Variants in GPC5 observed in about 807,000 individuals in gnomAD.
GPC5 encodes the protein glypican 5, also known as glypican-5.
In GPC5, 47 loss-of-function variants were observed where a neutral mutation model predicts 53.9. The ratio of observed to expected loss-of-function variants is 0.87; its 90% CI spans 0.69 to 1.11. The LOEUF is 1.11. Ranked by LOEUF, GPC5 falls within the 50% of genes most tolerant of loss-of-function variation. GPC5 has a pLI of 0.00. For synonymous variants in GPC5, 286 were observed against 263.3 expected, an observed-to-expected ratio of 1.09 and a Z score of -0.84; for missense variants, 748 against 713.1, an observed-to-expected ratio of 1.05 and a Z score of -0.56.
At chr13:91,573,648 A>G (rs2032025158) in intron 2 of GPC5, among the ~76,000 whole-genome samples, 1 of 152,296 alleles carries the variant, frequency 6.6e-6, no homozygotes, top group Non-Finnish European at 1.5e-5. Context: ...TAAATTTTAT[A>G]TTGATAATTT....
At chr13:92,351,980 G>C (rs983304398) in intron 7 of GPC5, among the ~76,000 whole-genome samples, 2 of 152,100 alleles carry the variant, frequency 1.3e-5, no homozygotes, top group Non-Finnish European at 2.9e-5. Context: ...GGTTTTTGTG[G>C]AAGAGTAAAG....
At chr13:91,929,992 T>C (rs1300443337) in intron 6 of GPC5, among the ~76,000 whole-genome samples, 1 of 152,072 alleles carries the variant, frequency 6.6e-6, no homozygotes, top group Non-Finnish European at 1.5e-5. Context: ...CAAATGTAAT[T>C]TGAAAGTTAT....
At chr13:91,452,631 G>C (rs1881261873) in intron 2 of GPC5, among the ~76,000 whole-genome samples, 1 of 152,036 alleles carries the variant, frequency 6.6e-6, no homozygotes, top group South Asian at 2.1e-4. Context: ...CTTTATACAT[G>C]ACAGTATGGT....
At chr13:92,772,420 A>G (rs572401646) in intron 7 of GPC5, among the ~76,000 whole-genome samples, 38 of 152,234 alleles carry the variant, frequency 2.5e-4, no homozygotes, top group Non-Finnish European at 1.0e-4. Context: ...CTCTCTAACC[A>G]TGGGGCCTTT....
intron 7 of GPC5, among the ~76,000 whole-genome samples, chr13:92,385,535 T>TAC (rs546250598): frequency 5.6e-4 from 75 of 133,242 alleles, no homozygotes; most frequent in Middle Eastern, 4.2e-3. Flanking sequence ...CATATATACA[T>TAC]ATATGCATAT....
chr13:92,395,149 A>T (rs1221714191), intron 7 of GPC5, among the ~76,000 whole-genome samples: 2 of 152,198 alleles, frequency 1.3e-5, no homozygotes, highest in Non-Finnish European at 2.9e-5. Flanking sequence ...TATCTAACAT[A>T]TTCAAAACTG....
intron 7 of GPC5, among the ~76,000 whole-genome samples, chr13:92,288,507 T>C (rs560094148): frequency 6.6e-6 from 1 of 152,306 alleles, no homozygotes; most frequent in Non-Finnish European, 1.5e-5. Flanking sequence ...CGGAAATCTC[T>C]TCTATTGTGA....
intron 7 of GPC5, among the ~76,000 whole-genome samples, chr13:92,387,057 T>A (rs1270579024): frequency 6.6e-6 from 1 of 152,082 alleles, no homozygotes; most frequent in African/African-American, 2.4e-5. Flanking sequence ...CAAATTTTCA[T>A]TGAAGATCAT....
At chr13:91,451,187 T>C (rs1881147676) in intron 2 of GPC5, among the ~76,000 whole-genome samples, 1 of 152,226 alleles carries the variant, frequency 6.6e-6, no homozygotes, top group South Asian at 2.1e-4. Context: ...TCAAATGATG[T>C]TAAGTAGATG....
At chr13:91,939,742 G>A (rs1312879619) in intron 6 of GPC5, among the ~76,000 whole-genome samples, 5 of 152,114 alleles carry the variant, frequency 3.3e-5, no homozygotes, top group African/African-American at 9.7e-5. Context: ...CCACATATGA[G>A]AGGATGAAGT....
At chr13:92,132,441 G>C (rs2041751946) in intron 6 of GPC5, among the ~76,000 whole-genome samples, 1 of 152,142 alleles carries the variant, frequency 6.6e-6, no homozygotes, top group South Asian at 2.1e-4. Flanking sequence ...ACAAGATGTA[G>C]TCAAGGTAGT....
chr13:92,175,555 G>T lies in GPC5; in HGVS notation c.1561+30566G>T, dbSNP rs4326918. Among the ~76,000 whole-genome samples the T allele has an allele frequency of 2.6e-3, 391 of 152,070 alleles. 3 individuals carry two copies. The highest frequency in any genetic ancestry group is 8.9e-3 in the African/African-American group (370 of 41,464). On this transcript the variant is annotated intron_variant, in intron 7 of 7. Coordinates refer to ENST00000377067, the MANE Select transcript of GPC5 (RefSeq NM_004466.6). ...AGTTTTATCTGCGGTTCTAAAGTTG[G>T]TGGGCGCCCCTTTGGAAACGTTTAC...
intron 7 of GPC5, among the ~76,000 whole-genome samples, chr13:92,553,026 T>G (rs1192807690): frequency 6.6e-6 from 1 of 151,992 alleles, no homozygotes; most frequent in African/African-American, 2.4e-5. Context: ...GTCTATTTTA[T>G]TCTTCTGATT....
At chr13:92,775,212 C>T (rs905122454) in intron 7 of GPC5, among the ~76,000 whole-genome samples, 6 of 152,128 alleles carry the variant, frequency 3.9e-5, no homozygotes, top group African/African-American at 1.4e-4. Context: ...CTATTAAGTG[C>T]AACTGAGCCA....
At chr13:91,483,901 T>C (rs1443152184) in intron 2 of GPC5, among the ~76,000 whole-genome samples, 1 of 152,158 alleles carries the variant, frequency 6.6e-6, no homozygotes, top group African/African-American at 2.4e-5. Context: ...AAGTCGCAGT[T>C]TCCAAGCCTA....
chr13:92,194,189 A>T lies in GPC5; in HGVS notation c.1561+49200A>T, dbSNP rs558588232. Among the ~76,000 whole-genome samples the T allele has an allele frequency of 2.6e-5, 4 of 152,288 alleles. No individual in the cohort carries two copies. In the South Asian group the frequency reaches 6.2e-4, roughly 24 times the overall value. On this transcript the variant is annotated intron_variant, in intron 7 of 7. Transcript: ENST00000377067. Reference sequence around the variant, plus strand: ...GTACAGATTATTATCCTCATTTTACAACTAAAACAAAACACAAGGTGATGA... The same window carrying T: ...GTACAGATTATTATCCTCATTTTACTACTAAAACAAAACACAAGGTGATGA...
chr13:92,639,423 G>A (rs965553678), intron 7 of GPC5, among the ~76,000 whole-genome samples: 1 of 152,140 alleles, frequency 6.6e-6, no homozygotes, highest in African/African-American at 2.4e-5. Flanking sequence ...ACTATCTAAA[G>A]TGGTTTTACA....
intron 6 of GPC5, among the ~76,000 whole-genome samples, chr13:91,918,784 G>T (rs998326967): frequency 1.5e-4 from 23 of 151,694 alleles, no homozygotes; most frequent in African/African-American, 5.3e-4. Context: ...CAATATCTTT[G>T]ATTTCTTTCA....
At chr13:92,804,394 T>C (rs774429285) in intron 7 of GPC5, among the ~76,000 whole-genome samples, 1 of 151,972 alleles carries the variant, frequency 6.6e-6, no homozygotes, top group Non-Finnish European at 1.5e-5. Context: ...AAAGCAAGTA[T>C]CACAATAAAG....
Sources: gnomAD v4.1 joint callset for allele counts (sites outside exome capture counted in the v4.1 genomes callset) on GRCh38, gnomAD v4.1.1 for gene constraint, MANE v1.5 for transcripts, NCBI Gene and HGNC (gene_info 2026-07-23, HGNC 2026-07-21) for gene names.